TPM4: variants seen among roughly 807,000 people sequenced by gnomAD.
TPM4 encodes tropomyosin alpha-4 chain.
In TPM4, 17 loss-of-function variants were observed where a neutral mutation model predicts 35.8. That is an observed-to-expected ratio of 0.47 (90% CI 0.32 to 0.71). The LOEUF (loss-of-function observed/expected upper bound fraction) is 0.71. TPM4 is among the 30% of genes least tolerant of loss of function. The pLI is 0.03. For missense variants in TPM4, 240 were observed against 320.9 expected, an observed-to-expected ratio of 0.75 and a Z score of 1.93; for synonymous variants, 120 against 122.9, an observed-to-expected ratio of 0.98 and a Z score of 0.15.
At chr19:16,096,756 T>C (rs1026374283) in intron 7 of TPM4, among the ~76,000 whole-genome samples, 5 of 152,150 alleles carry the variant, frequency 3.3e-5, no homozygotes, top group Non-Finnish European at 7.3e-5. Context: ...GACGTGAATT[T>C]AGAATTCTTT....
intron 4 of TPM4, 96 bp from the exon 5 acceptor site, chr19:16,088,949 T>C: frequency 6.3e-7 from 1 of 1,589,074 alleles, no homozygotes. Flanking sequence ...GGGAGCTGTG[T>C]AGGTTTCTCC....
intron 3 of TPM4, 109 bp from the exon 4 acceptor site, chr19:16,087,918 C>T (rs1332399835): frequency 8.7e-7 from 1 of 1,146,670 alleles, no homozygotes; most frequent in Non-Finnish European, 1.3e-6. Flanking sequence ...ACCCATGTTG[C>T]AGCTGGTCTA....
At chr19:16,093,029 A>T (rs1351458222) in intron 5 of TPM4, 1 of 159,814 alleles carries the variant, frequency 6.3e-6, no homozygotes, top group African/African-American at 2.6e-5. Flanking sequence ...TAATTTTTAA[A>T]TTCTTTGTAG....
At chr19:16,081,664 G>A in intron 1 of TPM4, 1 of 292,104 alleles carries the variant, frequency 3.4e-6, no homozygotes, top group Non-Finnish European at 6.3e-6. Flanking sequence ...AAAGTGCTGG[G>A]ATTACAGGCA....
chr19:16,076,189 G>A (rs1568299439), upstream of TPM4: 1 of 1,552,614 alleles, frequency 6.4e-7, no homozygotes, highest in Non-Finnish European at 8.7e-7. Flanking sequence ...GTGCAGGGAT[G>A]CGGGAGCCCG....
intron 7 of TPM4, chr19:16,095,902 CA>C (rs981824203): frequency 2.6e-5 from 4 of 151,830 alleles, no homozygotes; most frequent in African/African-American, 9.7e-5. Context: ...AGGTGTGCAC[CA>C]CCACACAAGG....
At chr19:16,078,803 CA>C (rs1484231805) in intron 1 of TPM4, among the ~76,000 whole-genome samples, 2 of 115,940 alleles carry the variant, frequency 1.7e-5, no homozygotes, top group Non-Finnish European at 3.5e-5. Flanking sequence ...TCTCCCAGGG[CA>C]AAAGGAACTA....
At chr19:16,077,473 C>T (rs1346398941) in intron 1 of TPM4, 1 of 152,222 alleles carries the variant, frequency 6.6e-6, no homozygotes, top group Non-Finnish European at 1.5e-5. Flanking sequence ...CCGAGATAAA[C>T]AATGGGTCTG....
At chr19:16,098,921 T>TA (rs1465643127) in intron 7 of TPM4, among the ~76,000 whole-genome samples, 3 of 152,202 alleles carry the variant, frequency 2.0e-5, no homozygotes, top group Non-Finnish European at 4.4e-5. Flanking sequence ...ATAAAGGTGA[T>TA]ATCTCTGTTA....
chr19:16,086,450 C>T lies in TPM4; in HGVS notation c.294C>T (p.Ala98=). Residue 98 remains alanine (A), a synonymous_variant, in exon 3 of 8, where the codon GCC becomes GCT. Transcript: ENST00000643579. ...ERGMKVIENR[A]MKDEEKMEIQ... is the part of the protein sequence containing the mutation. ...GAATGAAGGTGATAGAAAACCGGGC[C>T]ATGAAGGATGAGGAGAAGATGGAGA... is the stretch of plus-strand genomic sequence containing the variant. The T allele has an allele frequency of 4.3e-6, 7 of 1,613,532 alleles. No homozygotes were observed. The highest frequency in any genetic ancestry group is 5.9e-6 in the Non-Finnish European group (7 of 1,179,974).
chr19:16,075,310 G>A (rs2090392638), upstream of TPM4: 1 of 152,070 alleles, frequency 6.6e-6, no homozygotes, highest in Non-Finnish European at 1.5e-5. Flanking sequence ...TAGGACTCTT[G>A]GGATAAACAG....
chr19:16,083,099 G>A lies in TPM4; in HGVS notation c.266+1053G>A, dbSNP rs117829934. On this transcript the variant is annotated intron_variant, in intron 2 of 7. Transcript: ENST00000643579. ...GCTGTCAGGCTTTAGGCTTTTGGACGGTGACAGCTATTTCAGGGACAGTTG... is the reference window on the plus strand; with the variant it reads ...GCTGTCAGGCTTTAGGCTTTTGGACAGTGACAGCTATTTCAGGGACAGTTG... 3.0e-4 allele frequency among the ~76,000 whole-genome samples: 45 copies of A among 152,086 alleles called. No homozygotes were observed. The East Asian group carries it at 7.5e-3, about 25-fold the overall frequency.
intron 7 of TPM4, among the ~76,000 whole-genome samples, chr19:16,099,071 T>TGC (rs1491474474): frequency 1.7e-5 from 1 of 58,158 alleles, no homozygotes; most frequent in Non-Finnish European, 3.5e-5. Flanking sequence ...CACTTGACTC[T>TGC]GTGTGTGTGT....
upstream of TPM4, among the ~76,000 whole-genome samples, chr19:16,072,203 T>C (rs73515753): frequency 0.02 from 3,058 of 152,308 alleles, 117 homozygotes; most frequent in African/African-American, 0.07. Flanking sequence ...TCCTACAGTG[T>C]TCTAATGCTG....
chr19:16,087,649 G>A (rs769884293), intron 3 of TPM4, among the ~76,000 whole-genome samples: 30 of 152,262 alleles, frequency 2.0e-4, no homozygotes, highest in South Asian at 8.3e-4. Flanking sequence ...CTGGGAGGCC[G>A]AGGTAGGTGG....
intron 2 of TPM4, among the ~76,000 whole-genome samples, chr19:16,071,330 G>C (rs185818655): frequency 6.6e-6 from 1 of 152,156 alleles, no homozygotes; most frequent in Non-Finnish European, 1.5e-5. Flanking sequence ...CCCAGTGGAG[G>C]TGCACACCTC....
chr19:16,082,641 A>G (rs956057869), intron 2 of TPM4, among the ~76,000 whole-genome samples: 1 of 152,180 alleles, frequency 6.6e-6, no homozygotes, highest in African/African-American at 2.4e-5. Flanking sequence ...TTTGCAAAGC[A>G]CTGCTTCTCG....
chr19:16,084,825 A>G (rs1401545084), intron 2 of TPM4, among the ~76,000 whole-genome samples: 2 of 152,150 alleles, frequency 1.3e-5, no homozygotes, highest in African/African-American at 4.8e-5. Context: ...CTTAGCTGAG[A>G]ACGGGTGACA....
rs1221255341 is a variant in TPM4, at chr19:16,101,244, A to G, written c.665-20A>G. On this transcript the variant is annotated intron_variant, in intron 7 of 7. Coordinates refer to ENST00000643579, the MANE Select transcript of TPM4 (RefSeq NM_003290.3). ...GACGCTTATTAATTTATCTTTCCCC[A>G]TACTCTTAATCCTCACCAGAGAAAC... is the stretch of plus-strand genomic sequence containing the variant. 3 of 1,555,328 alleles carry G rather than the reference A, an allele frequency of 1.9e-6. No homozygotes were observed. Among genetic ancestry groups the G allele is most frequent in the African/African-American group, 1.4e-5 (1 of 71,708 alleles).
Sources: gnomAD v4.1 joint callset for allele counts (sites outside exome capture counted in the v4.1 genomes callset) on GRCh38, gnomAD v4.1.1 for gene constraint, MANE v1.5 for transcripts, NCBI Gene and HGNC (gene_info 2026-07-23, HGNC 2026-07-21) for gene names.